The following BRSK2 variants were observed in gnomAD, a reference collection of about 807,000 sequenced individuals.
BRSK2 encodes the protein serine/threonine-protein kinase BRSK2.
BRSK2 carries 19 observed loss-of-function variants against 83.3 expected under a neutral mutation model. The ratio of observed to expected loss-of-function variants is 0.23; its 90% CI spans 0.16 to 0.33. BRSK2 has a LOEUF of 0.33. Among genes scored for constraint, BRSK2 ranks in the 10% least tolerant of loss-of-function variants. BRSK2 has a pLI of 1.00. For missense variants in BRSK2, 798 were observed against 1,042.3 expected, an observed-to-expected ratio of 0.77 and a Z score of 3.23; for synonymous variants, 519 against 435.4, an observed-to-expected ratio of 1.19 and a Z score of -2.39.
At chr11:1,398,966 G>C (rs1213523558) in intron 1 of BRSK2, among the ~76,000 whole-genome samples, 1 of 152,220 alleles carries the variant, frequency 6.6e-6, no homozygotes, top group Non-Finnish European at 1.5e-5. Context: ...CTTTCGTCCT[G>C]CGCCGTCCTG....
At chr11:1,456,273 C>T in intron 16 of BRSK2, 75 bp from the exon 17 acceptor site, 2 of 1,433,778 alleles carry the variant, frequency 1.4e-6, no homozygotes, top group African/African-American at 2.9e-5. Context: ...GCTGGCTCGC[C>T]CCAGGGCTGC....
chr11:1,426,334 C>T (rs1849218926), intron 1 of BRSK2, among the ~76,000 whole-genome samples: 2 of 152,068 alleles, frequency 1.3e-5, no homozygotes, highest in African/African-American at 2.4e-5. Context: ...GTGGGGCGTG[C>T]TCTGCTGGCG....
intron 2 of BRSK2, among the ~76,000 whole-genome samples, chr11:1,436,724 A>G (rs1850352028): frequency 6.6e-6 from 1 of 151,928 alleles, no homozygotes; most frequent in Admixed American, 6.6e-5. Flanking sequence ...TCCGGGTCCC[A>G]CCCACAGTGG....
chr11:1,403,877 G>A (rs1276223395), intron 1 of BRSK2, among the ~76,000 whole-genome samples: 1 of 152,212 alleles, frequency 6.6e-6, no homozygotes. Context: ...GCTTCCCCAC[G>A]TGGGGAGGCG....
chr11:1,404,433 G>A (rs544536366), intron 1 of BRSK2, among the ~76,000 whole-genome samples: 18 of 152,276 alleles, frequency 1.2e-4, no homozygotes, highest in Non-Finnish European at 2.2e-4. Context: ...CCCTTTGGCC[G>A]AGAGTTGCAC....
chr11:1,451,863 G>A (rs1332496247), intron 15 of BRSK2, among the ~76,000 whole-genome samples: 1 of 152,174 alleles, frequency 6.6e-6, no homozygotes, highest in African/African-American at 2.4e-5. Flanking sequence ...CCGCCTTTCT[G>A]AGCCGTGAGA....
chr11:1,461,141 CG>C lies in BRSK2; in HGVS notation c.*419del. The stretch of plus-strand genomic sequence containing the variant: ...CTCCTCGCCTCAGCTCCGCACGGCC[CG>C]TGGGAGGAAGGCCAGGCTCGGGGGA... On this transcript the variant is annotated 3_prime_UTR_variant, in exon 20 of 20. Coordinates refer to ENST00000528841, the MANE Select transcript of BRSK2 (RefSeq NM_001256627.2). The C allele has an allele frequency of 8.4e-7, 1 of 1,195,590 alleles. No homozygotes were observed. The highest frequency in any genetic ancestry group is 2.7e-5 in the Admixed American group (1 of 37,162). 74.1% of individuals were successfully genotyped at this position (1,195,590 alleles called of 1,614,324 possible).
Position 1,411,539 on chromosome 11 carries a change from G to A in BRSK2, c.91+21164G>A, listed in dbSNP as rs755480880. ...GGGGAGGGGCCGCACATCACAGAGT[G>A]CCAGCTGGCCACACTCCCGGCCCAC... On this transcript the variant is annotated intron_variant, in intron 1 of 19. Coordinates refer to ENST00000528841, the MANE Select transcript of BRSK2 (RefSeq NM_001256627.2). 7.1e-6 allele frequency: 11 copies of A among 1,555,636 alleles called. No individual in the cohort carries two copies. In the South Asian group the frequency reaches 1.1e-4, roughly 15 times the overall value.
chr11:1,459,165 C>T (rs1564891453), intron 18 of BRSK2, 27 bp from the exon 19 acceptor site: 1 of 1,612,570 alleles, frequency 6.2e-7, no homozygotes. Context: ...CTCACTCCCT[C>T]CCTCCTCTCT....
At position 1,390,675 on chromosome 11, in the gene BRSK2, G is replaced by C. The variant is rs892089577; in HGVS notation, c.91+300G>C. On this transcript the variant is annotated intron_variant, in intron 1 of 19. Transcript: ENST00000528841. This position sits in a 1 kb window ranked among gnomAD's most constrained non-coding sequence, Gnocchi z 6.8. ...CCCTCGGGCCCCGCTGCAGGTGCGC[G>C]GCCCGGGCCGCATTGTGCGCCCCAG... Among the ~76,000 whole-genome samples, 7 of 149,146 alleles carry C rather than the reference G, an allele frequency of 4.7e-5. No homozygotes were observed. The highest frequency in any genetic ancestry group is 1.5e-4 in the African/African-American group (6 of 41,000).
At position 1,460,946 on chromosome 11, in the gene BRSK2, C is replaced by T. The variant is rs371597977; in HGVS notation, c.*223C>T. The T allele has an allele frequency of 1.8e-5, 29 of 1,612,272 alleles. No individual in the cohort carries two copies. Among genetic ancestry groups the T allele is most frequent in the Non-Finnish European group, 2.1e-5 (25 of 1,179,438 alleles). Reference sequence around the variant, plus strand: ...TGCCTCTGCCTGTCTCTGACAGCATCGCTTGTTTCCACTCTGATACCAGGA... The same window carrying T: ...TGCCTCTGCCTGTCTCTGACAGCATTGCTTGTTTCCACTCTGATACCAGGA... On this transcript the variant is annotated 3_prime_UTR_variant, in exon 20 of 20. Coordinates refer to ENST00000528841, the MANE Select transcript of BRSK2 (RefSeq NM_001256627.2).
At chr11:1,402,054 G>C (rs565884098) in intron 1 of BRSK2, among the ~76,000 whole-genome samples, 2 of 152,180 alleles carry the variant, frequency 1.3e-5, no homozygotes. Flanking sequence ...CTCGTGCCCC[G>C]CCAGGGCCTC....
At chr11:1,404,707 T>C (rs1300470145) in intron 1 of BRSK2, among the ~76,000 whole-genome samples, 4 of 152,184 alleles carry the variant, frequency 2.6e-5, no homozygotes, top group African/African-American at 9.6e-5. Context: ...GCAACGGGCG[T>C]GGGCTTGCAG....
chr11:1,421,500 G>T (rs1163676628), intron 1 of BRSK2, among the ~76,000 whole-genome samples: 4 of 152,236 alleles, frequency 2.6e-5, no homozygotes, highest in Admixed American at 2.0e-4. Context: ...CGGCTGCAGT[G>T]CGTGTGAAAT....
Position 1,461,397 on chromosome 11 carries a change from CCTCTCGT to C in BRSK2, c.*678_*684del. The stretch of plus-strand genomic sequence containing the variant: ...TTGGCCTCCTCAGGCTGCCTCCCGT[CCTCTCGT>C]CTCACCCGCGCCTCCCTTGCCTCAT... On this transcript the variant is annotated 3_prime_UTR_variant, in exon 20 of 20. Coordinates refer to ENST00000528841, the MANE Select transcript of BRSK2 (RefSeq NM_001256627.2). The C allele has an allele frequency of 3.7e-6, 1 of 267,132 alleles. No homozygotes were observed. Among genetic ancestry groups the C allele is most frequent in the Non-Finnish European group, 7.1e-6 (1 of 140,402 alleles). The allele number at this position is 267,132 out of a possible 1,614,324, so 16.5% of individuals were successfully genotyped here.
At chr11:1,460,414 C>T in intron 19 of BRSK2, 86 bp from the exon 20 acceptor site, 1 of 878,652 alleles carries the variant, frequency 1.1e-6, no homozygotes, top group Non-Finnish European at 1.5e-6. Context: ...CTCTTTCTCT[C>T]TCCTTCCCTC....
At chr11:1,427,941 G>C (rs1849442411) in intron 1 of BRSK2, among the ~76,000 whole-genome samples, 1 of 152,236 alleles carries the variant, frequency 6.6e-6, no homozygotes. Context: ...GGAGCTGAGG[G>C]ATACCAGGAC....
intron 1 of BRSK2, among the ~76,000 whole-genome samples, chr11:1,429,512 G>A (rs920307852): frequency 1.3e-5 from 2 of 152,190 alleles, no homozygotes; most frequent in African/African-American, 2.4e-5. Flanking sequence ...CTGCTCTGTC[G>A]CCAGCATCCT....
Position 1,390,374 on chromosome 11 carries a change from A to G in BRSK2, c.90A>G (p.Thr30=). ...RLEKTLGKGQ[T]GLVKLGVHCV... is the part of the protein sequence containing the mutation. ...AGAAGACGCTGGGCAAGGGGCAGACAGGTGCGTGCGGCCGGGGCGGGGACC... is the reference window on the plus strand; with the variant it reads ...AGAAGACGCTGGGCAAGGGGCAGACGGGTGCGTGCGGCCGGGGCGGGGACC... Residue 30 remains threonine (T), a splice_region_variant and synonymous_variant, in exon 1 of 20, where the codon ACA becomes ACG. Transcript: ENST00000528841. The surrounding 1 kb of genome is among the most constrained non-coding windows in gnomAD (Gnocchi z 6.8). 3 of 1,013,584 alleles carry G rather than the reference A, an allele frequency of 3.0e-6. No homozygotes were observed. Among genetic ancestry groups the G allele is most frequent in the Non-Finnish European group, 2.4e-6 (2 of 840,870 alleles). 62.8% of individuals were successfully genotyped at this position (1,013,584 alleles called of 1,614,324 possible).
Sources: gnomAD v4.1 joint callset for allele counts (sites outside exome capture counted in the v4.1 genomes callset) on GRCh38, gnomAD v4.1.1 for gene constraint, Gnocchi (gnomAD v3.1) non-coding constraint, MANE v1.5 for transcripts, NCBI Gene and HGNC (gene_info 2026-07-23, HGNC 2026-07-21) for gene names.